The following SOS2 variants were observed in gnomAD, a reference collection of about 807,000 sequenced individuals.
SOS2 encodes son of sevenless homolog 2.
Under a neutral mutation model 148.2 loss-of-function variants are expected in SOS2, and 65 were observed. The ratio of observed to expected loss-of-function variants is 0.44; its 90% CI spans 0.36 to 0.54. SOS2 has a LOEUF of 0.54. Among genes scored for constraint, SOS2 ranks in the 20% least tolerant of loss-of-function variants. SOS2 has a pLI of 0.00. For missense variants in SOS2, 1,341 were observed against 1,590.2 expected, an observed-to-expected ratio of 0.84 and a Z score of 2.67; for synonymous variants, 539 against 537.1, an observed-to-expected ratio of 1.00 and a Z score of -0.05.
intron 1 of SOS2, among the ~76,000 whole-genome samples, chr14:50,212,032 C>G (rs986865814): frequency 6.6e-6 from 1 of 151,994 alleles, no homozygotes; most frequent in African/African-American, 2.4e-5. Context: ...AAAATGTTGG[C>G]AGAAAGAAGC....
At position 50,129,956 on chromosome 14, in the gene SOS2, C is replaced by T. The variant is rs1269990708; in HGVS notation, c.3379+5G>A. 1 of 1,553,876 alleles carries T rather than the reference C, an allele frequency of 6.4e-7. No individual in the cohort carries two copies. The highest frequency in any genetic ancestry group is 1.7e-4 in the Middle Eastern group (1 of 5,932). On this transcript the variant is annotated splice_donor_5th_base_variant and intron_variant, in intron 21 of 22. Coordinates refer to ENST00000216373, the MANE Select transcript of SOS2 (RefSeq NM_006939.4). ...TCATTAAGAATCAACTTAAATTATA[C>T]TTACTTGAATGTGGCAAAAGCACTG... is the stretch of plus-strand genomic sequence containing the variant.
Position 50,231,251 on chromosome 14 carries a change from G to A in SOS2, c.33C>T (p.Phe11=). 1 of 1,506,364 alleles carries A rather than the reference G, an allele frequency of 6.6e-7. No individual in the cohort carries two copies. The highest frequency in any genetic ancestry group is 1.4e-5 in the African/African-American group (1 of 70,806). 93.3% of individuals were successfully genotyped at this position (1,506,364 alleles called of 1,614,324 possible). The change falls in exon 1 of 23, where the codon TTC becomes TTT. Residue 11 remains phenylalanine (F), a synonymous_variant. Coordinates refer to ENST00000216373, the MANE Select transcript of SOS2 (RefSeq NM_006939.4). ...GCCATTTCGGACTGTTCTCCTCGCT[G>A]AAGAACTCGTAAGGCTGCGGCGCCT... MQQAPQPYEF[F]SEENSPKWRG...
intron 21 of SOS2, among the ~76,000 whole-genome samples, chr14:50,128,938 C>T (rs1883776573): frequency 6.6e-6 from 1 of 151,922 alleles, no homozygotes; most frequent in Non-Finnish European, 1.5e-5. Flanking sequence ...ATTTTTTAAC[C>T]TAAAATATAA....
At position 50,118,476 on chromosome 14, in the gene SOS2, A is replaced by G; in HGVS notation, c.3867T>C (p.Ala1289=). Residue 1289 remains alanine (A), a synonymous_variant, in exon 23 of 23, where the codon GCT becomes GCC. Coordinates refer to ENST00000216373, the MANE Select transcript of SOS2 (RefSeq NM_006939.4). Reference sequence around the variant, plus strand: ...AATTCTGCCTTGGTGGAACAGGGGGAGCTGGAGGATGAGCAAGATTATTCT... The same window carrying G: ...AATTCTGCCTTGGTGGAACAGGGGGGGCTGGAGGATGAGCAAGATTATTCT... ...SSQNNLAHPP[A]PPVPPRQNSS... is the part of the protein sequence containing the mutation. 1 of 1,613,992 alleles carries G rather than the reference A, an allele frequency of 6.2e-7. No individual in the cohort carries two copies. The highest frequency in any genetic ancestry group is 1.1e-5 in the South Asian group (1 of 91,064).
rs114469307 is a variant in SOS2 at position 50,120,722 on chromosome 14, T to C, written c.3380-338A>G. ...TGTAGTAACTTCCAAAGAAAGACCA[T>C]CCTAATCAGAGACCTTTTTTTTTTT... On this transcript the variant is annotated intron_variant, in intron 21 of 22. Coordinates refer to ENST00000216373, the MANE Select transcript of SOS2 (RefSeq NM_006939.4). 0.027 allele frequency among the ~76,000 whole-genome samples: 3,873 copies of C among 144,572 alleles called. 174 individuals are homozygous for C. Among genetic ancestry groups the C allele is most frequent in the African/African-American group, 0.091 (3,598 of 39,702 alleles). The allele number at this position is 144,572 out of a possible 152,430, so 94.8% of individuals were successfully genotyped here.
chr14:50,219,247 T>C (rs1566485583), intron 1 of SOS2, among the ~76,000 whole-genome samples: 1 of 152,236 alleles, frequency 6.6e-6, no homozygotes, highest in South Asian at 2.1e-4. Flanking sequence ...AGCAGCTTTA[T>C]TTGAATAGCC....
chr14:50,180,559 A>G lies in SOS2; in HGVS notation c.969+13T>C. The G allele has an allele frequency of 2.6e-6, 3 of 1,139,368 alleles. No individual in the cohort carries two copies. The highest frequency in any genetic ancestry group is 3.8e-6 in the Non-Finnish European group (3 of 799,460). 70.6% of individuals were successfully genotyped at this position (1,139,368 alleles called of 1,614,324 possible). A position where few individuals can be genotyped will look rare whatever the true frequency, so the allele number is the denominator to read the frequency against. On this transcript the variant is annotated intron_variant, in intron 7 of 22. Transcript: ENST00000216373. ...AAAAAAAAAAAAAAAAAAAACCTTC[A>G]ATTTAAGTTTACCTGAAAGTGTAGA...
At chr14:50,158,489 A>T in intron 11 of SOS2, 76 bp downstream of exon 11, 1 of 778,562 alleles carries the variant, frequency 1.3e-6, no homozygotes, top group Non-Finnish European at 2.1e-6. Flanking sequence ...AGTATTTATT[A>T]GGTACTAGGC....
rs1350334674 is a variant in SOS2, at chr14:50,145,287, T to C, written c.2550A>G (p.Leu850=). 3.1e-6 allele frequency: 5 copies of C among 1,610,760 alleles called. No individual in the cohort carries two copies. The highest frequency in any genetic ancestry group is 4.2e-6 in the Non-Finnish European group (5 of 1,178,896). ...AENFEERVAV[L]SRIIEILQVF... ...CTTGCAGAATTTCTATAATTCTACT[T>C]AGTACTGCCACCCGTTCTTCAAAAT... Residue 850 remains leucine (L), a synonymous_variant, in exon 16 of 23, where the codon CTA becomes CTG. Coordinates refer to ENST00000216373, the MANE Select transcript of SOS2 (RefSeq NM_006939.4).
At chr14:50,147,965 T>A (rs1383462808) in intron 14 of SOS2, among the ~76,000 whole-genome samples, 4 of 152,210 alleles carry the variant, frequency 2.6e-5, no homozygotes, top group Non-Finnish European at 5.9e-5. Context: ...TTTTTTTTCT[T>A]TTTAATTGAC....
In SOS2 at chr14:50,209,379, G is replaced by A. The variant is rs150798507; in HGVS notation, c.88-4970C>T. Reference sequence around the variant, plus strand: ...ATGCACCCATGGAGGACAAAATAATGTACCCATGCAGGACAAAAATATTGT... The same window carrying A: ...ATGCACCCATGGAGGACAAAATAATATACCCATGCAGGACAAAAATATTGT... On this transcript the variant is annotated intron_variant, in intron 1 of 22. Coordinates refer to ENST00000216373, the MANE Select transcript of SOS2 (RefSeq NM_006939.4). 3.6e-3 allele frequency among the ~76,000 whole-genome samples: 533 copies of A among 150,100 alleles called. 4 individuals are homozygous for A. The highest frequency in any genetic ancestry group is 0.012 in the African/African-American group (507 of 40,994).
rs532317926 is a variant in SOS2, at chr14:50,130,457, C to T, written c.3337+44G>A. On this transcript the variant is annotated intron_variant, in intron 20 of 22. Coordinates refer to ENST00000216373, the MANE Select transcript of SOS2 (RefSeq NM_006939.4). ...TTAAAATGATAAGAATTATCTGAGA[C>T]ACAGGATTCCTTTTTTACCAAGCGG... The T allele has an allele frequency of 5.2e-6, 8 of 1,541,680 alleles. No homozygotes were observed. In the African/African-American group the frequency reaches 1.1e-4, roughly 21 times the overall value.
intron 14 of SOS2, among the ~76,000 whole-genome samples, chr14:50,148,409 CAAAAA>C (rs3072684): frequency 7.6e-5 from 9 of 118,282 alleles, no homozygotes; most frequent in Admixed American, 1.8e-4. Flanking sequence ...GACACCATCT[CAAAAA>C]AAAAAAAAAA....
intron 1 of SOS2, among the ~76,000 whole-genome samples, chr14:50,229,288 A>T (rs1442783813): frequency 1.3e-5 from 2 of 152,208 alleles, no homozygotes; most frequent in Non-Finnish European, 2.9e-5. Context: ...TCACAACAGT[A>T]AGTTAATAGA....
chr14:50,209,062 C>CAG lies in SOS2; in HGVS notation c.88-4654_88-4653insCT, dbSNP rs1389712578. Among the ~76,000 whole-genome samples the CAG allele has an allele frequency of 2.6e-5, 4 of 152,306 alleles. No individual in the cohort carries two copies. In the East Asian group the frequency reaches 7.7e-4, roughly 29 times the overall value. Reference sequence around the variant, plus strand: ...ACAAAAGGCTGAGAAAGAATTCTTTCTCTCTGCCTGACTGTATTTGAGCTG... The same window carrying CAG: ...ACAAAAGGCTGAGAAAGAATTCTTTCAGTCTCTGCCTGACTGTATTTGAGCTG... On this transcript the variant is annotated intron_variant, in intron 1 of 22. Coordinates refer to ENST00000216373, the MANE Select transcript of SOS2 (RefSeq NM_006939.4).
Position 50,160,062 on chromosome 14 carries a change from A to G in SOS2, c.1221T>C (p.Ser407=), listed in dbSNP as rs1884944112. 4 of 1,612,934 alleles carry G rather than the reference A, an allele frequency of 2.5e-6. No individual in the cohort carries two copies. In the South Asian group the frequency reaches 4.4e-5, roughly 18 times the overall value. The change falls in exon 10 of 23, where the codon AGT becomes AGC. Residue 407 remains serine (S), a synonymous_variant. Coordinates refer to ENST00000216373, the MANE Select transcript of SOS2 (RefSeq NM_006939.4). ...RPGDPVCPFY[S]HQLRSKHLAI... Reference sequence around the variant, plus strand: ...CCAGGTGTTTGCTTCTTAATTGGTGACTATAAAAAGGGCAAACAGGATCTC... The same window carrying G: ...CCAGGTGTTTGCTTCTTAATTGGTGGCTATAAAAAGGGCAAACAGGATCTC...
intron 8 of SOS2, among the ~76,000 whole-genome samples, chr14:50,162,182 C>G (rs970219240): frequency 3.9e-5 from 6 of 152,066 alleles, no homozygotes; most frequent in Admixed American, 3.9e-4. Context: ...GAGACAGGGT[C>G]TTACTCACTC....
At chr14:50,222,579 A>T (rs554625102) in intron 1 of SOS2, among the ~76,000 whole-genome samples, 21 of 152,348 alleles carry the variant, frequency 1.4e-4, no homozygotes, top group Admixed American at 1.3e-3. Context: ...AAAGACCTAA[A>T]GGAGGTAAAA....
chr14:50,192,442 G>C (rs971128188), intron 4 of SOS2, among the ~76,000 whole-genome samples: 2 of 152,076 alleles, frequency 1.3e-5, no homozygotes, highest in Non-Finnish European at 2.9e-5. Flanking sequence ...TGTAATCCCA[G>C]CTACTCAGGA....
Sources: gnomAD v4.1 joint callset for allele counts (sites outside exome capture counted in the v4.1 genomes callset) on GRCh38, gnomAD v4.1.1 for gene constraint, MANE v1.5 for transcripts, NCBI Gene and HGNC (gene_info 2026-07-23, HGNC 2026-07-21) for gene names.